The following KLF8 variants were observed in gnomAD, a reference collection of about 807,000 sequenced individuals.
KLF8 encodes the protein Krueppel-like factor 8.
In KLF8, 10 loss-of-function variants were observed where a neutral mutation model predicts 18.2. That is an observed-to-expected ratio of 0.55 (90% CI 0.34 to 0.93). KLF8 has a LOEUF of 0.93. Among genes scored for constraint, KLF8 ranks in the 40% least tolerant of loss-of-function variants. KLF8 has a pLI of 0.02. For missense variants in KLF8, 264 were observed against 277.9 expected, an observed-to-expected ratio of 0.95 and a Z score of 0.36; for synonymous variants, 109 against 97.3, an observed-to-expected ratio of 1.12 and a Z score of -0.71.
the KLF8 span, among the ~76,000 whole-genome samples, chrX:55,939,861 C>T: frequency 1.8e-5 from 2 of 111,732 alleles, no homozygotes; most frequent in African/African-American, 6.5e-5. Flanking sequence ...CAATAACAGG[C>T]TCTGAAATTG....
At chrX:56,018,451 G>GT in the KLF8 span, among the ~76,000 whole-genome samples, 1 of 111,467 alleles carries the variant, frequency 9.0e-6, no homozygotes, top group African/African-American at 3.3e-5. Flanking sequence ...AGACTTTAGA[G>GT]TTTTTTCTAT....
At chrX:56,077,897 T>G in the KLF8 span, among the ~76,000 whole-genome samples, 4 of 109,487 alleles carry the variant, frequency 3.7e-5, no homozygotes, top group Non-Finnish European at 7.5e-5. Context: ...TTATTCTCTT[T>G]GAAGAAATTG....
chrX:56,129,376 A>T, the KLF8 span, among the ~76,000 whole-genome samples: 7 of 112,029 alleles, frequency 6.2e-5, no homozygotes, highest in African/African-American at 2.3e-4. Flanking sequence ...GGAAAGGGGG[A>T]TTGTCCACTC....
chrX:56,152,853 C>G, the KLF8 span, among the ~76,000 whole-genome samples: 2 of 111,886 alleles, frequency 1.8e-5, no homozygotes, highest in African/African-American at 6.5e-5. Context: ...CCCAGTAAGC[C>G]TTATACTCCT....
chrX:56,270,139 C>T (rs772110176), intron 4 of KLF8, 43 bp from the exon 5 acceptor site: 81 of 1,154,619 alleles, frequency 7.0e-5, no homozygotes, highest in Non-Finnish European at 9.3e-5. Flanking sequence ...TTAGCCTTCA[C>T]TTTAAAGTCA....
chrX:56,067,697 G>C, the KLF8 span, among the ~76,000 whole-genome samples: 1 of 111,918 alleles, frequency 8.9e-6, no homozygotes, highest in Non-Finnish European at 1.9e-5. Context: ...CTCCAACAGG[G>C]ACCTGTGCAA....
the KLF8 span, among the ~76,000 whole-genome samples, chrX:56,180,703 C>T: frequency 1.8e-5 from 2 of 111,042 alleles, no homozygotes; most frequent in Non-Finnish European, 3.8e-5. Flanking sequence ...TTCTTTCTGC[C>T]TTCATTTCCT....
the KLF8 span, among the ~76,000 whole-genome samples, chrX:55,970,986 C>G: frequency 9.0e-6 from 1 of 111,465 alleles, no homozygotes; most frequent in African/African-American, 3.2e-5. Flanking sequence ...GTTCACACTA[C>G]CCAAAGGTAG....
the KLF8 span, among the ~76,000 whole-genome samples, chrX:56,052,520 A>C: frequency 2.7e-5 from 3 of 111,138 alleles, no homozygotes; most frequent in African/African-American, 9.9e-5. Flanking sequence ...CTGTTGGAAT[A>C]CCTGCCGTGT....
the KLF8 span, among the ~76,000 whole-genome samples, chrX:56,198,078 G>T: frequency 8.9e-6 from 1 of 111,978 alleles, no homozygotes; most frequent in Non-Finnish European, 1.9e-5. Flanking sequence ...AGGTAATGAT[G>T]GGACTTATCT....
chrX:56,069,919 A>C, the KLF8 span, among the ~76,000 whole-genome samples: 2 of 112,801 alleles, frequency 1.8e-5, no homozygotes, highest in African/African-American at 6.4e-5. Flanking sequence ...CCAAAGGATT[A>C]TCAATCATTC....
At chrX:56,054,281 T>A in the KLF8 span, among the ~76,000 whole-genome samples, 1 of 111,686 alleles carries the variant, frequency 9.0e-6, no homozygotes, top group South Asian at 3.7e-4. Flanking sequence ...TTCTGGGATG[T>A]TGTATCTTTA....
At chrX:56,055,860 T>C in the KLF8 span, among the ~76,000 whole-genome samples, 12 of 111,983 alleles carry the variant, frequency 1.1e-4, no homozygotes, top group Non-Finnish European at 2.3e-4. Context: ...ATTTTCCTAT[T>C]AATACTTTTG....
the KLF8 span, among the ~76,000 whole-genome samples, chrX:56,058,179 C>T: frequency 3.5e-5 from 3 of 84,810 alleles, no homozygotes; most frequent in African/African-American, 5.0e-5. Context: ...TATATATACA[C>T]ACATATATAT....
At chrX:55,984,261 T>A in the KLF8 span, among the ~76,000 whole-genome samples, 2 of 110,457 alleles carry the variant, frequency 1.8e-5, no homozygotes, top group Admixed American at 1.9e-4. Flanking sequence ...TTTACTATTT[T>A]TCCTGATGCT....
the KLF8 span, among the ~76,000 whole-genome samples, chrX:56,135,188 A>C: frequency 1.3e-4 from 15 of 111,356 alleles, no homozygotes; most frequent in East Asian, 4.2e-3. Flanking sequence ...TGACCCAGCC[A>C]TCCCATTACT....
upstream of KLF8, among the ~76,000 whole-genome samples, chrX:56,227,553 C>T (rs1375691115): frequency 9.0e-6 from 1 of 110,790 alleles, no homozygotes; most frequent in African/African-American, 3.3e-5. Flanking sequence ...CCATATTGGC[C>T]AGGCTGGTCT....
upstream of KLF8, among the ~76,000 whole-genome samples, chrX:56,229,166 C>T (rs2066385915): frequency 1.8e-5 from 2 of 111,205 alleles, no homozygotes; most frequent in Admixed American, 1.9e-4. Context: ...CTGGGCTCCA[C>T]CCTGGTAGTT....
chrX:56,027,927 G>C, the KLF8 span, among the ~76,000 whole-genome samples: 1 of 112,571 alleles, frequency 8.9e-6, no homozygotes, highest in African/African-American at 3.2e-5. Context: ...ATTCATTAAA[G>C]TTACCACCAC....
Sources: gnomAD v4.1 joint callset for allele counts (sites outside exome capture counted in the v4.1 genomes callset) on GRCh38, gnomAD v4.1.1 for gene constraint, MANE v1.5 for transcripts, NCBI Gene and HGNC (gene_info 2026-07-23, HGNC 2026-07-21) for gene names.